The following PPWD1 variants were observed in gnomAD, a reference collection of about 807,000 sequenced individuals.
PPWD1 encodes peptidylprolyl isomerase domain and WD repeat-containing protein 1.
Under a neutral mutation model 68.8 loss-of-function variants are expected in PPWD1, and 43 were observed. That is an observed-to-expected ratio of 0.62 (90% CI 0.49 to 0.81). The LOEUF is 0.81. Ranked by LOEUF, PPWD1 falls within the 30% of genes least tolerant of loss-of-function variation. The pLI, the probability that PPWD1 is intolerant of heterozygous loss-of-function variation, is 0.00. For synonymous variants in PPWD1, 232 were observed against 258.7 expected (o/e 0.90, Z 0.99); for missense variants, 672 against 804.8 (o/e 0.83, Z 2.00).
At chr5:65,570,545 A>G (rs932628960) in intron 4 of PPWD1, among the ~76,000 whole-genome samples, 1 of 152,008 alleles carries the variant, frequency 6.6e-6, no homozygotes, top group African/African-American at 2.4e-5. Flanking sequence ...ACAGTGTCAG[A>G]AAGTTTTGGG....
chr5:65,578,232 C>G (rs1453559365), intron 6 of PPWD1, among the ~76,000 whole-genome samples: 1 of 152,154 alleles, frequency 6.6e-6, no homozygotes, highest in African/African-American at 2.4e-5. Context: ...CACAGTTGAT[C>G]CATTCACGTA....
intron 10 of PPWD1, 129 bp downstream of exon 10, chr5:65,586,310 T>G (rs1753847639): frequency 3.2e-6 from 3 of 926,638 alleles, no homozygotes; most frequent in African/African-American, 3.4e-5. Context: ...AATACAAATA[T>G]GAAAATGATC....
rs934356486 is a variant in PPWD1, at chr5:65,585,200, G to A, written c.1614+105G>A. 7.9e-6 allele frequency: 9 copies of A among 1,146,438 alleles called. No individual in the cohort carries two copies. The African/African-American group carries it at 1.4e-4, about 18-fold the overall frequency. The allele number at this position is 1,146,438 out of a possible 1,614,324, so 71.0% of individuals were successfully genotyped here. A position where few individuals can be genotyped will look rare whatever the true frequency, so the allele number is the denominator to read the frequency against. ...TCTCTCACACTTAATCAGTTTAGTG[G>A]AAAGGAACAGGAAAAATACACTATG... On this transcript the variant is annotated intron_variant, in intron 9 of 10. Coordinates refer to ENST00000261308, the MANE Select transcript of PPWD1 (RefSeq NM_015342.4).
Position 65,583,774 on chromosome 5 carries a change from C to T in PPWD1, c.1532+555C>T, listed in dbSNP as rs142197442. ...GACTAGCCCGAGCAACACGGCAAGACTCTATCTCTTAAAAAAAATTTTTTT... is the reference window on the plus strand; with the variant it reads ...GACTAGCCCGAGCAACACGGCAAGATTCTATCTCTTAAAAAAAATTTTTTT... On this transcript the variant is annotated intron_variant, in intron 8 of 10. Coordinates refer to ENST00000261308, the MANE Select transcript of PPWD1 (RefSeq NM_015342.4). 3.6e-3 allele frequency among the ~76,000 whole-genome samples: 551 copies of T among 152,232 alleles called. 3 individuals are homozygous for T. Among genetic ancestry groups the T allele is most frequent in the African/African-American group, 0.013 (520 of 41,530 alleles).
chr5:65,581,986 C>T lies in PPWD1; in HGVS notation c.1351-1052C>T, dbSNP rs1173509940. ...AAATAAAAGTATGATTTTACAAATC[C>T]ATATATCAGCTAAGTCATAACTTTA... On this transcript the variant is annotated intron_variant, in intron 7 of 10. Coordinates refer to ENST00000261308, the MANE Select transcript of PPWD1 (RefSeq NM_015342.4). Among the ~76,000 whole-genome samples the T allele has an allele frequency of 2.0e-5, 3 of 152,028 alleles. No individual in the cohort carries two copies. The South Asian group carries it at 6.2e-4, about 32-fold the overall frequency.
At chr5:65,568,775 C>T in intron 2 of PPWD1, 2 of 255,746 alleles carry the variant, frequency 7.8e-6, no homozygotes, top group African/African-American at 2.3e-5. Flanking sequence ...ATTTATATTT[C>T]ATGTAAAATA....
intron 4 of PPWD1, among the ~76,000 whole-genome samples, chr5:65,570,653 G>T (rs183929267): frequency 6.6e-6 from 1 of 152,122 alleles, no homozygotes; most frequent in East Asian, 1.9e-4. Flanking sequence ...AGGCTGGAAA[G>T]TCCAAGATCA....
At chr5:65,579,398 T>C in intron 6 of PPWD1, 26 bp from the exon 7 acceptor site, 2 of 1,441,388 alleles carry the variant, frequency 1.4e-6, no homozygotes, top group Non-Finnish European at 1.8e-6. Flanking sequence ...GTGATTCTGT[T>C]GTATAAAACA....
intron 6 of PPWD1, among the ~76,000 whole-genome samples, chr5:65,578,882 T>C (rs527503386): frequency 6.5e-4 from 99 of 151,802 alleles, no homozygotes; most frequent in Admixed American, 1.8e-3. Flanking sequence ...GCCGTTCTCC[T>C]AGTCTGTGAC....
At chr5:65,576,856 T>C in intron 5 of PPWD1, 23 bp from the exon 6 acceptor site, 2 of 1,609,628 alleles carry the variant, frequency 1.2e-6, no homozygotes, top group Non-Finnish European at 1.7e-6. Context: ...AGAGTTTTTG[T>C]TACTAAATGG....
At chr5:65,586,939 C>G (rs1176434887) in intron 10 of PPWD1, among the ~76,000 whole-genome samples, 1 of 152,106 alleles carries the variant, frequency 6.6e-6, no homozygotes, top group African/African-American at 2.4e-5. Context: ...CCTCCAGAGA[C>G]CTTTTAAAGC....
intron 9 of PPWD1, among the ~76,000 whole-genome samples, chr5:65,585,577 G>A (rs755031985): frequency 2.6e-5 from 4 of 152,068 alleles, no homozygotes; most frequent in Admixed American, 6.6e-5. Flanking sequence ...TTGGTTTCTG[G>A]CAGGTCAGAA....
At chr5:65,584,984 G>T (rs749155113) in intron 8 of PPWD1, 30 bp from the exon 9 acceptor site, 1 of 1,606,002 alleles carries the variant, frequency 6.2e-7, no homozygotes, top group East Asian at 2.2e-5. Context: ...CTCTGAATAG[G>T]TTTCATATTT....
chr5:65,579,276 T>G (rs1753486247), intron 6 of PPWD1, 148 bp from the exon 7 acceptor site: 1 of 1,238,810 alleles, frequency 8.1e-7, no homozygotes, highest in Non-Finnish European at 1.0e-6. Flanking sequence ...TGATACCTTT[T>G]GGGGGGTAGA....
intron 10 of PPWD1, among the ~76,000 whole-genome samples, chr5:65,586,929 C>G (rs1417979791): frequency 6.6e-6 from 1 of 152,108 alleles, no homozygotes; most frequent in African/African-American, 2.4e-5. Context: ...AGGTAAGAGT[C>G]CTCCAGAGAC....
chr5:65,584,243 C>T (rs931377651), intron 8 of PPWD1, among the ~76,000 whole-genome samples: 11 of 152,182 alleles, frequency 7.2e-5, no homozygotes, highest in Non-Finnish European at 1.5e-4. Flanking sequence ...AACCCATGTA[C>T]TCTTCGGCCT....
chr5:65,580,214 C>CTATG (rs1753531747), intron 7 of PPWD1, among the ~76,000 whole-genome samples: 1 of 152,164 alleles, frequency 6.6e-6, no homozygotes, highest in Admixed American at 6.5e-5. Flanking sequence ...GTATAGAGAC[C>CTATG]TATGCCCTTG....
intron 7 of PPWD1, among the ~76,000 whole-genome samples, 154 bp downstream of exon 7, chr5:65,579,767 T>C (rs1753514285): frequency 6.6e-6 from 1 of 152,228 alleles, no homozygotes; most frequent in Non-Finnish European, 1.5e-5. Flanking sequence ...TGTAGAATTT[T>C]AAAGTAGAAG....
At chr5:65,580,075 T>G (rs942853043) in intron 7 of PPWD1, among the ~76,000 whole-genome samples, 1 of 152,216 alleles carries the variant, frequency 6.6e-6, no homozygotes, top group African/African-American at 2.4e-5. Flanking sequence ...CTGTGGAATT[T>G]TTTTTTTCTC....
Sources: gnomAD v4.1 joint callset for allele counts (sites outside exome capture counted in the v4.1 genomes callset) on GRCh38, gnomAD v4.1.1 for gene constraint, MANE v1.5 for transcripts, NCBI Gene and HGNC (gene_info 2026-07-23, HGNC 2026-07-21) for gene names.